Variants in GLIS3 observed in about 807,000 individuals in gnomAD.
GLIS3 encodes the protein zinc finger protein GLIS3.
In GLIS3, 53 loss-of-function variants were observed where a neutral mutation model predicts 78.6. The observed-to-expected ratio is 0.67, with a 90% CI of 0.54 to 0.85. GLIS3 has a LOEUF of 0.85. Ranked by LOEUF, GLIS3 falls within the 40% of genes least tolerant of loss-of-function variation. The probability of loss-of-function intolerance (pLI) is 0.00; values close to 1 mark genes in which losing one functional copy is unlikely to be tolerated. For synonymous variants in GLIS3, 684 were observed against 509.9 expected, an observed-to-expected ratio of 1.34 and a Z score of -4.60; for missense variants, 1,703 against 1,231.1, an observed-to-expected ratio of 1.38 and a Z score of -5.74.
intron 4 of GLIS3, among the ~76,000 whole-genome samples, chr9:4,080,222 C>T (rs779804179): frequency 6.6e-5 from 10 of 152,156 alleles, no homozygotes; most frequent in Non-Finnish European, 1.5e-4. Context: ...ATTTTTCCAG[C>T]ATTCTTGCAT....
At chr9:4,022,184 T>A (rs78937826) in intron 4 of GLIS3, among the ~76,000 whole-genome samples, 1 of 152,158 alleles carries the variant, frequency 6.6e-6, no homozygotes, top group Non-Finnish European at 1.5e-5. Flanking sequence ...ACTAATATCA[T>A]CCCTATTTCA....
chr9:4,362,720 G>A, the GLIS3 span, among the ~76,000 whole-genome samples: 1 of 152,164 alleles, frequency 6.6e-6, no homozygotes, highest in Non-Finnish European at 1.5e-5. Context: ...AGGATGCATG[G>A]AAAAGCACAA....
intron 2 of GLIS3, among the ~76,000 whole-genome samples, chr9:4,346,490 A>G (rs1190032851): frequency 1.3e-5 from 2 of 152,320 alleles, no homozygotes; most frequent in East Asian, 1.9e-4. Context: ...AATAATTTCT[A>G]AAGTATTATA....
chr9:4,055,092 G>C (rs1588554731), intron 4 of GLIS3, among the ~76,000 whole-genome samples: 1 of 152,156 alleles, frequency 6.6e-6, no homozygotes, highest in South Asian at 2.1e-4. Flanking sequence ...AATGAAAGAA[G>C]GCAATGCCTT....
At chr9:4,367,483 C>T in the GLIS3 span, among the ~76,000 whole-genome samples, 1 of 151,910 alleles carries the variant, frequency 6.6e-6, no homozygotes, top group Admixed American at 6.6e-5. Context: ...TAGCTAACCA[C>T]TCATAACACT....
intron 2 of GLIS3, among the ~76,000 whole-genome samples, chr9:4,321,164 T>C (rs904478504): frequency 5.3e-5 from 8 of 151,330 alleles, no homozygotes; most frequent in Non-Finnish European, 1.0e-4. Flanking sequence ...CTCACGCCTG[T>C]AATCCCAGCA....
At chr9:4,208,632 A>C (rs1820089778) in intron 2 of GLIS3, among the ~76,000 whole-genome samples, 1 of 152,196 alleles carries the variant, frequency 6.6e-6, no homozygotes, top group South Asian at 2.1e-4. Flanking sequence ...GTGTGACTGA[A>C]ATTGTCTGTT....
rs138329777 is a variant in GLIS3 at position 4,262,041 on chromosome 9, A to G, written c.388+23997T>C. 5.3e-4 allele frequency among the ~76,000 whole-genome samples: 80 copies of G among 152,208 alleles called. 1 individual carries two copies. The East Asian group carries it at 0.015, about 29-fold the overall frequency. On this transcript the variant is annotated intron_variant, in intron 2 of 10. Coordinates refer to ENST00000381971, the MANE Select transcript of GLIS3 (RefSeq NM_001042413.2). ...CTTAGAACATATTTTCATGGAGAGGAAAATAAAACAGCAATGAATGGCTAG... is the reference window on the plus strand; with the variant it reads ...CTTAGAACATATTTTCATGGAGAGGGAAATAAAACAGCAATGAATGGCTAG...
At chr9:4,293,046 T>G (rs1816160925) in intron 1 of GLIS3, among the ~76,000 whole-genome samples, 1 of 152,174 alleles carries the variant, frequency 6.6e-6, no homozygotes, top group African/African-American at 2.4e-5. Context: ...GAGATGTTTC[T>G]TTCAAGAAAA....
chr9:3,825,169 T>G lies in GLIS3; in HGVS notation c.*3103A>C, dbSNP rs1274966980. On this transcript the variant is annotated 3_prime_UTR_variant, in exon 11 of 11. Coordinates refer to ENST00000381971, the MANE Select transcript of GLIS3 (RefSeq NM_001042413.2). Reference sequence around the variant, plus strand: ...GCTACTGTGCTTGACGGCTGGTAATTTAGAAACAACTGAACAAAGCCAACA... The same window carrying G: ...GCTACTGTGCTTGACGGCTGGTAATGTAGAAACAACTGAACAAAGCCAACA... 6.6e-6 allele frequency: 1 copy of G among 152,144 alleles called. No individual in the cohort carries two copies. Among genetic ancestry groups the G allele is most frequent in the African/African-American group, 2.4e-5 (1 of 41,424 alleles). The allele number at this position is 152,144 out of a possible 1,614,324, so 9.4% of individuals were successfully genotyped here. A position where few individuals can be genotyped will look rare whatever the true frequency, so the allele number is the denominator to read the frequency against.
intron 8 of GLIS3, among the ~76,000 whole-genome samples, chr9:3,869,018 C>T (rs1033750647): frequency 1.3e-5 from 2 of 152,156 alleles, no homozygotes; most frequent in Non-Finnish European, 2.9e-5. Context: ...TGCCTATTGG[C>T]TTGGTGTCTT....
At chr9:3,990,615 T>C (rs1820151444) in intron 4 of GLIS3, among the ~76,000 whole-genome samples, 1 of 152,174 alleles carries the variant, frequency 6.6e-6, no homozygotes, top group Admixed American at 6.5e-5. Context: ...GAGGATTGTG[T>C]GAATCCCTAC....
intron 2 of GLIS3, among the ~76,000 whole-genome samples, chr9:4,134,642 T>G (rs1255808110): frequency 2.0e-5 from 3 of 152,206 alleles, no homozygotes; most frequent in Non-Finnish European, 4.4e-5. Context: ...CATGATTATG[T>G]TACGGAATGA....
In GLIS3 at chr9:3,953,703, T is replaced by C. The variant is rs1193437040; in HGVS notation, c.1711-16514A>G. Among the ~76,000 whole-genome samples the C allele has an allele frequency of 3.6e-5, 5 of 139,800 alleles. No individual in the cohort carries two copies. In the Admixed American group the frequency reaches 3.6e-4, roughly 10 times the overall value. 91.7% of individuals were successfully genotyped at this position (139,800 alleles called of 152,430 possible). ...AAACATATTTTTGATAACAATTCTT[T>C]TGTTAGTACTTGCTGTTGGCTCTCC... On this transcript the variant is annotated intron_variant, in intron 4 of 10. Coordinates refer to ENST00000381971, the MANE Select transcript of GLIS3 (RefSeq NM_001042413.2).
At chr9:4,156,776 C>G (rs189503250) in intron 2 of GLIS3, among the ~76,000 whole-genome samples, 2 of 152,004 alleles carry the variant, frequency 1.3e-5, no homozygotes, top group African/African-American at 4.8e-5. Context: ...TGCTGAAGAA[C>G]AGAAACAACC....
chr9:4,365,953 C>T, the GLIS3 span, among the ~76,000 whole-genome samples: 1 of 152,108 alleles, frequency 6.6e-6, no homozygotes, highest in African/African-American at 2.4e-5. Context: ...TCAGTTTAAC[C>T]AAATTCTTTG....
At chr9:3,960,222 G>A (rs1359331949) in intron 4 of GLIS3, among the ~76,000 whole-genome samples, 5 of 152,158 alleles carry the variant, frequency 3.3e-5, no homozygotes, top group Non-Finnish European at 1.5e-5. Context: ...GTGTAAATAT[G>A]AAGATGGCCA....
intron 2 of GLIS3, among the ~76,000 whole-genome samples, chr9:4,231,906 G>C (rs1390870751): frequency 6.6e-6 from 1 of 152,164 alleles, no homozygotes; most frequent in Non-Finnish European, 1.5e-5. Flanking sequence ...CCCTGTGGTT[G>C]TCATTATGTT....
chr9:4,206,093 G>A (rs1819855933), intron 2 of GLIS3, among the ~76,000 whole-genome samples: 3 of 152,266 alleles, frequency 2.0e-5, no homozygotes, highest in Middle Eastern at 3.4e-3. Flanking sequence ...AGTGGTACAA[G>A]ATCCCCCCAT....
Sources: allele counts gnomAD v4.1 joint callset (sites outside exome capture counted in the v4.1 genomes callset), GRCh38; gene constraint gnomAD v4.1.1; transcripts MANE v1.5; gene names NCBI Gene and HGNC (gene_info 2026-07-23, HGNC 2026-07-21).